Variants in CPNE8 observed in about 807,000 individuals in gnomAD.
The protein encoded by CPNE8 is copine-8.
A neutral mutation model predicts 81.5 loss-of-function variants in CPNE8; 45 were observed. The ratio of observed to expected loss-of-function variants is 0.55; its 90% confidence interval spans 0.44 to 0.71. The LOEUF is 0.71. CPNE8 is among the 30% of genes least tolerant of loss of function. CPNE8 has a pLI of 0.00. For synonymous variants in CPNE8, 252 were observed against 226.3 expected (o/e 1.11, Z -1.02); for missense variants, 594 against 672.1 (o/e 0.88, Z 1.28).
chr12:38,792,296 A>AG (rs770331778), intron 6 of CPNE8, among the ~76,000 whole-genome samples: 321 of 123,246 alleles, frequency 2.6e-3, no homozygotes, highest in Non-Finnish European at 3.7e-3. Flanking sequence ...TGAAACTAAG[A>AG]GTTTTTTTTT....
At chr12:38,765,467 T>C (rs74535308) in intron 8 of CPNE8, among the ~76,000 whole-genome samples, 1,623 of 152,304 alleles carry the variant, frequency 0.011, 35 homozygotes, top group African/African-American at 0.036. Context: ...TGAAGGCTTT[T>C]AATTAATACT....
intron 6 of CPNE8, among the ~76,000 whole-genome samples, chr12:38,807,279 A>T (rs1289598302): frequency 2.0e-5 from 3 of 148,076 alleles, no homozygotes; most frequent in Non-Finnish European, 4.5e-5. Context: ...ACCAAAAAAG[A>T]GCCCGCATCG....
intron 18 of CPNE8, among the ~76,000 whole-genome samples, chr12:38,671,399 T>G (rs1157181525): frequency 1.3e-5 from 2 of 152,102 alleles, no homozygotes; most frequent in African/African-American, 4.8e-5. Context: ...TGAAGTACAA[T>G]TTTTTTGTTG....
In CPNE8 at chr12:38,723,203, T is replaced by C. The variant is rs560720929; in HGVS notation, c.914+569A>G. ...AATGAGAAGCAAAATTGAAAATACT[T>C]CCCTATTTATGAGGGTGTAAGAACT... On this transcript the variant is annotated intron_variant, in intron 13 of 19. Transcript: ENST00000331366. Among the ~76,000 whole-genome samples the C allele has an allele frequency of 2.4e-3, 363 of 152,090 alleles. 4 individuals are homozygous for C. Among genetic ancestry groups the C allele is most frequent in the Non-Finnish European group, 6.9e-4 (47 of 68,016 alleles).
At chr12:38,787,486 T>TAAAAAAAAAAAAAA (rs34801044) in intron 6 of CPNE8, among the ~76,000 whole-genome samples, 1 of 130,492 alleles carries the variant, frequency 7.7e-6, no homozygotes, top group Admixed American at 7.7e-5. Context: ...GTGCTTCCAT[T>TAAAAAAAAAAAAAA]AAAAAAAAAA....
intron 6 of CPNE8, among the ~76,000 whole-genome samples, chr12:38,790,892 G>A (rs1189247788): frequency 2.0e-5 from 3 of 151,496 alleles, no homozygotes; most frequent in African/African-American, 7.3e-5. Context: ...GTTTGTTTTT[G>A]TAACATTCTC....
At chr12:38,812,829 G>T (rs1383328490) in intron 6 of CPNE8, among the ~76,000 whole-genome samples, 1 of 152,178 alleles carries the variant, frequency 6.6e-6, no homozygotes, top group Non-Finnish European at 1.5e-5. Flanking sequence ...ATATAAAGAT[G>T]CAGCAAGAAA....
chr12:38,729,075 T>C (rs760383323), intron 11 of CPNE8, among the ~76,000 whole-genome samples: 8 of 152,062 alleles, frequency 5.3e-5, no homozygotes, highest in Non-Finnish European at 8.8e-5. Flanking sequence ...CTACAAAAGC[T>C]AGAGAAACTA....
chr12:38,706,417 T>C (rs1940107094), intron 13 of CPNE8, among the ~76,000 whole-genome samples: 2 of 152,126 alleles, frequency 1.3e-5, no homozygotes, highest in Admixed American at 6.6e-5. Flanking sequence ...TATCCATTGA[T>C]TTTCTCATGA....
intron 7 of CPNE8, among the ~76,000 whole-genome samples, chr12:38,773,433 A>T (rs746729142): frequency 1.3e-5 from 2 of 152,122 alleles, no homozygotes; most frequent in Non-Finnish European, 2.9e-5. Context: ...CTCCAGACTC[A>T]TCATGATGTA....
chr12:38,773,493 GGT>G (rs1181212079), intron 7 of CPNE8, among the ~76,000 whole-genome samples: 1 of 151,766 alleles, frequency 6.6e-6, no homozygotes, highest in Non-Finnish European at 1.5e-5. Context: ...CTAATAAACT[GGT>G]TTAAAAAAAT....
At chr12:38,838,103 C>A (rs949681553) in intron 5 of CPNE8, among the ~76,000 whole-genome samples, 2 of 152,132 alleles carry the variant, frequency 1.3e-5, no homozygotes, top group East Asian at 3.9e-4. Flanking sequence ...ATGTTCCCAA[C>A]TTCACTTAAA....
In CPNE8 at chr12:38,655,450, G is replaced by A. The variant is rs569931465; in HGVS notation, c.1507-1380C>T. 2.2e-4 allele frequency among the ~76,000 whole-genome samples: 33 copies of A among 152,214 alleles called. 1 individual carries two copies. In the South Asian group the frequency reaches 6.6e-3, roughly 31 times the overall value. Reference sequence around the variant, plus strand: ...AGAGCACAGTAATTTTTGGTCTTCAGAGAAAAGGCAAAGTGAAGACATTTT... The same window carrying A: ...AGAGCACAGTAATTTTTGGTCTTCAAAGAAAAGGCAAAGTGAAGACATTTT... On this transcript the variant is annotated intron_variant, in intron 19 of 19. Transcript: ENST00000331366.
intron 6 of CPNE8, among the ~76,000 whole-genome samples, chr12:38,809,237 C>T (rs1385722403): frequency 1.3e-5 from 2 of 152,128 alleles, no homozygotes; most frequent in Admixed American, 6.6e-5. Context: ...ATCAAGGTGT[C>T]GGCCAGCTTG....
At position 38,807,541 on chromosome 12, in the gene CPNE8, C is replaced by G. The variant is rs898781428; in HGVS notation, c.407+21838G>C. Reference sequence around the variant, plus strand: ...TAATAAATTGTGCTGGGAAAACTGGCTAGCCATATGTAGAAAGCTGAAACT... The same window carrying G: ...TAATAAATTGTGCTGGGAAAACTGGGTAGCCATATGTAGAAAGCTGAAACT... On this transcript the variant is annotated intron_variant, in intron 6 of 19. Coordinates refer to ENST00000331366, the MANE Select transcript of CPNE8 (RefSeq NM_153634.3). 9.4e-3 allele frequency among the ~76,000 whole-genome samples: 1,415 copies of G among 150,260 alleles called. 24 individuals carry two copies. Among genetic ancestry groups the G allele is most frequent in the South Asian group, 0.041 (196 of 4,738 alleles).
chr12:38,694,774 T>C (rs988256240), intron 14 of CPNE8, among the ~76,000 whole-genome samples: 49 of 152,164 alleles, frequency 3.2e-4, no homozygotes, highest in African/African-American at 1.0e-3. Flanking sequence ...GAAAGTTAAA[T>C]GAGACTTGTA....
chr12:38,734,612 G>A (rs549053364), intron 10 of CPNE8, among the ~76,000 whole-genome samples: 1 of 152,036 alleles, frequency 6.6e-6, no homozygotes, highest in Admixed American at 6.6e-5. Flanking sequence ...CCACCATGTT[G>A]TCTTGAGTCA....
chr12:38,676,182 AATATTT>A (rs1939285472), intron 17 of CPNE8: 1 of 575,788 alleles, frequency 1.7e-6, no homozygotes, highest in Non-Finnish European at 2.2e-6. Context: ...AGTTTTATTT[AATATTT>A]TTTCACAGAT....
At chr12:38,795,575 A>C (rs1033980630) in intron 6 of CPNE8, among the ~76,000 whole-genome samples, 4 of 152,238 alleles carry the variant, frequency 2.6e-5, no homozygotes, top group Non-Finnish European at 1.5e-5. Context: ...AACATACTAC[A>C]AGAATGAATC....
Sources: allele counts gnomAD v4.1 joint callset (sites outside exome capture counted in the v4.1 genomes callset), GRCh38; gene constraint gnomAD v4.1.1; transcripts MANE v1.5; gene names NCBI Gene and HGNC (gene_info 2026-07-23, HGNC 2026-07-21).